PCDHGB3: variants seen among roughly 807,000 people sequenced by gnomAD.
PCDHGB3 encodes the protein protocadherin gamma-B3.
A neutral mutation model predicts 59.2 loss-of-function variants in PCDHGB3; 40 were observed. That is an observed-to-expected ratio of 0.68 (90% CI 0.52 to 0.88). The LOEUF (loss-of-function observed/expected upper bound fraction) is 0.88, where lower values mean the gene tolerates loss of function less well. Among genes scored for constraint, PCDHGB3 ranks in the 40% least tolerant of loss-of-function variants. The pLI is 0.00. For synonymous variants in PCDHGB3, 581 were observed against 503.6 expected (o/e 1.15, Z -2.06); for missense variants, 1,309 against 1,187.9 (o/e 1.10, Z -1.50).
intron 1 of PCDHGB3, chr5:141,418,560 A>G (rs752240769): frequency 1.2e-6 from 2 of 1,614,034 alleles, no homozygotes; most frequent in Non-Finnish European, 1.7e-6. Context: ...CTGGTAATAG[A>G]TGCCAATGAC....
chr5:141,489,732 C>CA lies in PCDHGB3; in HGVS notation c.2416-5073dup, dbSNP rs770971020. On this transcript the variant is annotated intron_variant, in intron 1 of 3. Transcript: ENST00000576222. This position sits in a 1 kb window ranked among gnomAD's most constrained non-coding sequence, Gnocchi z 4.5. ...GTGCCCAGGATCCGGATGTGGGCAC[C>CA]AATACTGTGAGCTTTTACACTCTAA... 4.3e-6 allele frequency: 7 copies of CA among 1,614,008 alleles called. No individual in the cohort carries two copies. Among genetic ancestry groups the CA allele is most frequent in the Non-Finnish European group, 5.9e-6 (7 of 1,180,002 alleles).
At chr5:141,382,164 T>A (rs938169976) in intron 1 of PCDHGB3, among the ~76,000 whole-genome samples, 5 of 152,100 alleles carry the variant, frequency 3.3e-5, no homozygotes, top group Non-Finnish European at 5.9e-5. Context: ...AATGAAGGTG[T>A]TAGACCGTCT....
chr5:141,508,269 C>T (rs1459186158), intron 3 of PCDHGB3: 1 of 152,186 alleles, frequency 6.6e-6, no homozygotes, highest in East Asian at 1.9e-4. Flanking sequence ...GAGAAAATCC[C>T]GGTCCTTGAC....
intron 1 of PCDHGB3, among the ~76,000 whole-genome samples, chr5:141,425,338 G>A (rs561085111): frequency 6.6e-6 from 1 of 152,290 alleles, no homozygotes; most frequent in African/African-American, 2.4e-5. Flanking sequence ...AAAAGGAAGG[G>A]TTGGCTTTGA....
chr5:141,449,774 A>G (rs541830970), intron 1 of PCDHGB3, among the ~76,000 whole-genome samples: 2 of 151,714 alleles, frequency 1.3e-5, no homozygotes, highest in African/African-American at 4.8e-5. Flanking sequence ...AAGTTGTAGA[A>G]ATTATGTTTC....
At chr5:141,410,006 G>T (rs1201569227) in intron 1 of PCDHGB3, 8 of 1,613,274 alleles carry the variant, frequency 5.0e-6, no homozygotes, top group Non-Finnish European at 5.1e-6. Context: ...GGGACACAAC[G>T]CCTGGCTGTC....
rs776773140 is a variant in PCDHGB3, at chr5:141,476,589, G to T, written c.2416-18218G>T. The T allele has an allele frequency of 6.2e-7, 1 of 1,614,246 alleles. No individual in the cohort carries two copies. Among genetic ancestry groups the T allele is most frequent in the South Asian group, 1.1e-5 (1 of 91,090 alleles). On this transcript the variant is annotated intron_variant, in intron 1 of 3. Coordinates refer to ENST00000576222, the MANE Select transcript of PCDHGB3 (RefSeq NM_018924.5). This position sits in a 1 kb window ranked among gnomAD's most constrained non-coding sequence, Gnocchi z 7.6. ...CCGGGGACGCGCTTTCCGCTCGAGA[G>T]CGCGCACGATCCCGATGTGGGAAGC...
intron 1 of PCDHGB3, chr5:141,388,788 T>C (rs1253708084): frequency 1.2e-6 from 2 of 1,613,942 alleles, no homozygotes; most frequent in Non-Finnish European, 1.7e-6. Flanking sequence ...AATTACTGTT[T>C]TAAATACATT....
chr5:141,400,072 C>G (rs1469206078), intron 1 of PCDHGB3: 1 of 1,613,934 alleles, frequency 6.2e-7, no homozygotes, highest in Non-Finnish European at 8.5e-7. Context: ...TGGACAGCCG[C>G]CACTCTCCGC....
chr5:141,394,004 A>G (rs1220367944), intron 1 of PCDHGB3: 6 of 1,613,378 alleles, frequency 3.7e-6, no homozygotes, highest in Non-Finnish European at 4.2e-6. Context: ...TAGAAAAGTC[A>G]ATAGGTAATT....
chr5:141,400,690 A>G (rs928893484), intron 1 of PCDHGB3: 6 of 790,238 alleles, frequency 7.6e-6, no homozygotes, highest in Non-Finnish European at 8.1e-6. Flanking sequence ...GTGAGTTTTT[A>G]TGTCGCATAA....
At chr5:141,478,090 C>T in intron 1 of PCDHGB3, 2 of 1,614,108 alleles carry the variant, frequency 1.2e-6, no homozygotes, top group Non-Finnish European at 1.7e-6. Flanking sequence ...CGCTCTCCAC[C>T]ACTGCTACCC....
chr5:141,374,153 T>TG (rs1373211276), intron 1 of PCDHGB3: 5 of 1,612,056 alleles, frequency 3.1e-6, no homozygotes, highest in African/African-American at 2.7e-5. Flanking sequence ...GGGGACGCTG[T>TG]GGGGGGCCGC....
intron 2 of PCDHGB3, among the ~76,000 whole-genome samples, chr5:141,504,128 G>A (rs914138294): frequency 2.6e-5 from 4 of 151,992 alleles, no homozygotes; most frequent in African/African-American, 9.7e-5. Context: ...GCTGTTTCCC[G>A]CCAACACTCC....
intron 1 of PCDHGB3, chr5:141,399,900 C>A (rs752796935): frequency 6.2e-7 from 1 of 1,612,532 alleles, no homozygotes; most frequent in African/African-American, 1.3e-5. Flanking sequence ...TGGCCGTGGA[C>A]GCAGACTCAG....
In PCDHGB3 at chr5:141,376,300, C is replaced by G. The variant is rs202008607; in HGVS notation, c.2415+3491C>G. 1.3e-4 allele frequency: 204 copies of G among 1,614,218 alleles called. 1 individual carries two copies. The Middle Eastern group carries it at 1.7e-3, about 13-fold the overall frequency. On this transcript the variant is annotated intron_variant, in intron 1 of 3. Coordinates refer to ENST00000576222, the MANE Select transcript of PCDHGB3 (RefSeq NM_018924.5). ...GCTTAGCGAGCATGCCCGGCTCGCA[C>G]TTTGTGGGCGTGGAAGGGGTTCGGG...
In PCDHGB3 at chr5:141,486,334, C is replaced by T; in HGVS notation, c.2416-8473C>T. 1.2e-6 allele frequency: 2 copies of T among 1,614,098 alleles called. No individual in the cohort carries two copies. ...CAGGGTCAAACGGAGATGTGAGCCT[C>T]CGCATTCCTGACCACTTGCCATTTG... On this transcript the variant is annotated intron_variant, in intron 1 of 3. Coordinates refer to ENST00000576222, the MANE Select transcript of PCDHGB3 (RefSeq NM_018924.5). This position sits in a 1 kb window ranked among gnomAD's most constrained non-coding sequence, Gnocchi z 5.0.
chr5:141,414,318 G>A (rs1212643655), intron 1 of PCDHGB3: 1 of 1,613,772 alleles, frequency 6.2e-7, no homozygotes, highest in Non-Finnish European at 8.5e-7. Context: ...TAGACTCTGA[G>A]CAGAATGGAC....
intron 1 of PCDHGB3, among the ~76,000 whole-genome samples, chr5:141,426,006 G>C (rs1013613474): frequency 2.0e-5 from 3 of 152,104 alleles, no homozygotes; most frequent in African/African-American, 7.2e-5. Flanking sequence ...AAGGCTTCCG[G>C]CTGCAGTTTT....
Sources: allele counts gnomAD v4.1 joint callset (sites outside exome capture counted in the v4.1 genomes callset), GRCh38; gene constraint gnomAD v4.1.1; non-coding constraint Gnocchi (gnomAD v3.1); transcripts MANE v1.5; gene names NCBI Gene and HGNC (gene_info 2026-07-23, HGNC 2026-07-21).